TMCO5A: variants seen among roughly 807,000 people sequenced by gnomAD.
The protein encoded by TMCO5A is transmembrane and coiled-coil domain-containing protein 5A.
Under a neutral mutation model 42.3 loss-of-function variants are expected in TMCO5A, and 34 were observed. That is an observed-to-expected ratio of 0.80 (90% CI 0.61 to 1.07). The LOEUF (loss-of-function observed/expected upper bound fraction) is 1.07, where lower values mean the gene tolerates loss of function less well. Among genes scored for constraint, TMCO5A ranks in the 50% least tolerant of loss-of-function variants. The probability of loss-of-function intolerance (pLI) is 0.00; values close to 1 mark genes in which losing one functional copy is unlikely to be tolerated. For synonymous variants in TMCO5A, 131 were observed against 115.6 expected, an observed-to-expected ratio of 1.13 and a Z score of -0.86; for missense variants, 357 against 327.9, an observed-to-expected ratio of 1.09 and a Z score of -0.69.
chr15:37,986,034 A>G, the TMCO5A span, among the ~76,000 whole-genome samples: 17 of 152,282 alleles, frequency 1.1e-4, no homozygotes, highest in Middle Eastern at 3.4e-3. Flanking sequence ...CTAGAAAAAA[A>G]CAACTGAGAC....
chr15:37,958,564 A>G (rs551561216), intron 11 of TMCO5A, among the ~76,000 whole-genome samples: 78 of 152,188 alleles, frequency 5.1e-4, no homozygotes, highest in African/African-American at 1.7e-3. Context: ...CAAAACCACA[A>G]TGAGATACCA....
the TMCO5A span, among the ~76,000 whole-genome samples, chr15:38,031,746 T>C: frequency 6.6e-6 from 1 of 152,140 alleles, no homozygotes; most frequent in Admixed American, 6.5e-5. Context: ...CCAGAATAGC[T>C]GACTCCAGAA....
At chr15:38,022,370 T>A in the TMCO5A span, among the ~76,000 whole-genome samples, 1 of 152,108 alleles carries the variant, frequency 6.6e-6, no homozygotes, top group South Asian at 2.1e-4. Flanking sequence ...TAAATGTATA[T>A]CACTAAGTGA....
intron 11 of TMCO5A, among the ~76,000 whole-genome samples, chr15:37,948,133 AGAG>A (rs1317127608): frequency 2.6e-5 from 4 of 152,116 alleles, no homozygotes; most frequent in Admixed American, 1.3e-4. Context: ...ATTATGAGAA[AGAG>A]CATCTAACAG....
the TMCO5A span, among the ~76,000 whole-genome samples, chr15:37,975,973 G>A: frequency 1.6e-5 from 1 of 63,048 alleles, no homozygotes; most frequent in African/African-American, 7.7e-5. Flanking sequence ...TCAGGCATGG[G>A]GCCTCACGCC....
the TMCO5A span, among the ~76,000 whole-genome samples, chr15:37,995,992 A>C: frequency 6.6e-6 from 1 of 152,230 alleles, no homozygotes; most frequent in Non-Finnish European, 1.5e-5. Context: ...TGTATACTGT[A>C]GCCAAGGCAT....
At chr15:38,001,096 T>G in the TMCO5A span, among the ~76,000 whole-genome samples, 3 of 152,098 alleles carry the variant, frequency 2.0e-5, no homozygotes, top group Admixed American at 2.0e-4. Context: ...GAAAGTTGGA[T>G]GTGGAAGTCT....
intron 11 of TMCO5A, among the ~76,000 whole-genome samples, chr15:37,957,038 C>A (rs1411845196): frequency 6.6e-6 from 1 of 152,170 alleles, no homozygotes; most frequent in African/African-American, 2.4e-5. Flanking sequence ...CAAAATTCAA[C>A]AGCCCTTCAT....
chr15:37,936,473 A>C lies in TMCO5A; in HGVS notation c.140+10A>C. ...AAGATAAGATTCAGAGGTGAGTATT[A>C]AGGTTTCATGAGGGAAGTTCCCAAT... On this transcript the variant is annotated intron_variant, in intron 3 of 11. Coordinates refer to ENST00000319669, the MANE Select transcript of TMCO5A (RefSeq NM_152453.4). The C allele has an allele frequency of 6.2e-7, 1 of 1,605,794 alleles. No individual in the cohort carries two copies. Among genetic ancestry groups the C allele is most frequent in the Admixed American group, 1.7e-5 (1 of 58,286 alleles).
the TMCO5A span, among the ~76,000 whole-genome samples, chr15:37,998,899 TTTGTTG>T: frequency 5.9e-5 from 9 of 152,098 alleles, no homozygotes; most frequent in South Asian, 1.0e-3. Context: ...GTTTTCTTTT[TTTGTTG>T]TTGTTGTTGT....
the TMCO5A span, among the ~76,000 whole-genome samples, chr15:38,036,935 T>G: frequency 2.6e-5 from 4 of 152,192 alleles, no homozygotes; most frequent in Non-Finnish European, 4.4e-5. Context: ...GAATGAGCAC[T>G]TCTGAGTAAA....
In TMCO5A at chr15:37,951,037, A is replaced by AT. The variant is rs751648805; in HGVS notation, c.676dup (p.Cys226LeufsTer56). 3.1e-6 allele frequency: 5 copies of AT among 1,610,556 alleles called. No individual in the cohort carries two copies. The highest frequency in any genetic ancestry group is 4.5e-5 in the East Asian group (2 of 44,820). ...AGTTTCATGGCATTCTCTTTTTAGG[A>AT]TTTTTTGCTGTCTCTTTTTCATCAC... On this transcript the variant is annotated frameshift_variant and splice_region_variant, in exon 12 of 12. Coordinates refer to ENST00000319669, the MANE Select transcript of TMCO5A (RefSeq NM_152453.4). LOFTEE classifies it high-confidence loss of function.
chr15:37,989,049 C>A, the TMCO5A span, among the ~76,000 whole-genome samples: 5 of 151,904 alleles, frequency 3.3e-5, no homozygotes, highest in Admixed American at 6.6e-5. Context: ...TCTAATTCTT[C>A]ATGCTTCAGT....
chr15:37,979,279 T>G, the TMCO5A span, among the ~76,000 whole-genome samples: 16 of 151,952 alleles, frequency 1.1e-4, no homozygotes, highest in African/African-American at 3.9e-4. Context: ...TTTTGCTCCC[T>G]CCCAAGCCTG....
the TMCO5A span, among the ~76,000 whole-genome samples, chr15:37,975,969 A>G: frequency 1.4e-4 from 13 of 91,456 alleles, no homozygotes; most frequent in Admixed American, 1.5e-3. Context: ...TTGGTCAGGC[A>G]TGGGGCCTCA....
the TMCO5A span, among the ~76,000 whole-genome samples, chr15:38,009,457 C>T: frequency 6.6e-6 from 1 of 152,292 alleles, no homozygotes; most frequent in South Asian, 2.1e-4. Context: ...GGTCTATATT[C>T]TCTAGGCAAC....
chr15:37,981,977 A>G, the TMCO5A span, among the ~76,000 whole-genome samples: 17 of 152,326 alleles, frequency 1.1e-4, no homozygotes, highest in African/African-American at 3.6e-4. Context: ...TGTTTCCCTC[A>G]TGAACAGTAG....
At chr15:37,996,770 T>C in the TMCO5A span, among the ~76,000 whole-genome samples, 3 of 152,180 alleles carry the variant, frequency 2.0e-5, no homozygotes, top group Non-Finnish European at 4.4e-5. Flanking sequence ...AGCAGTGATA[T>C]GGGTCCAAAA....
Position 37,942,082 on chromosome 15 carries a change from G to A in TMCO5A, c.505-109G>A, listed in dbSNP as rs990684381. The A allele has an allele frequency of 6.0e-6, 6 of 994,884 alleles. No homozygotes were observed. The African/African-American group carries it at 9.7e-5, about 16-fold the overall frequency. 61.6% of individuals were successfully genotyped at this position (994,884 alleles called of 1,614,324 possible). A position where few individuals can be genotyped will look rare whatever the true frequency, so the allele number is the denominator to read the frequency against. On this transcript the variant is annotated intron_variant, in intron 8 of 11. Coordinates refer to ENST00000319669, the MANE Select transcript of TMCO5A (RefSeq NM_152453.4). ...TTATGAAAGCAGAGAAAGTGGCAGT[G>A]GGAATACCAAGCATTCATGGTATCA... is the stretch of plus-strand genomic sequence containing the variant.
Sources: allele counts gnomAD v4.1 joint callset (sites outside exome capture counted in the v4.1 genomes callset), GRCh38; gene constraint gnomAD v4.1.1; transcripts MANE v1.5; gene names NCBI Gene and HGNC (gene_info 2026-07-23, HGNC 2026-07-21).